The following RDX variants were observed in gnomAD, a reference collection of about 807,000 sequenced individuals.
RDX encodes deafness, autosomal recessive 24.
Under a neutral mutation model 83.7 loss-of-function variants are expected in RDX, and 32 were observed. The ratio of observed to expected loss-of-function variants is 0.38; its 90% CI spans 0.29 to 0.51. The LOEUF (loss-of-function observed/expected upper bound fraction) is 0.51. Ranked by LOEUF, RDX falls within the 20% of genes least tolerant of loss-of-function variation. The pLI is 0.87. For missense variants in RDX, 600 were observed against 689.9 expected (o/e 0.87, Z 1.46); for synonymous variants, 229 against 222.7 (o/e 1.03, Z -0.25).
intron 7 of RDX, 39 bp downstream of exon 7, chr11:110,257,728 T>C (rs113596622): frequency 2.1e-5 from 33 of 1,604,398 alleles, no homozygotes; most frequent in Non-Finnish European, 2.8e-5. Context: ...TTTAGACCAC[T>C]GAACAATGAC....
intron 10 of RDX, among the ~76,000 whole-genome samples, chr11:110,239,336 G>T (rs1400581918): frequency 6.6e-6 from 1 of 151,914 alleles, no homozygotes. Flanking sequence ...AGAGATAATG[G>T]GTGTTACATC....
Position 110,280,501 on chromosome 11 carries a change from T to C in RDX, c.-64-745A>G, listed in dbSNP as rs1317108659. On this transcript the variant is annotated intron_variant, in intron 1 of 13. Coordinates refer to ENST00000645495, the MANE Select transcript of RDX (RefSeq NM_002906.4). ...TGGCCTCAAGCAATCCTCCCAACTG[T>C]GCCTCCCAAAGTGCTAGGATTACAG... 2.0e-5 allele frequency among the ~76,000 whole-genome samples: 3 copies of C among 152,236 alleles called. No individual in the cohort carries two copies. In the East Asian group the frequency reaches 5.8e-4, roughly 29 times the overall value.
chr11:110,207,538 C>G (rs1863650399), intron 14 of RDX, among the ~76,000 whole-genome samples: 1 of 152,150 alleles, frequency 6.6e-6, no homozygotes, highest in Admixed American at 6.5e-5. Flanking sequence ...TTTTTAAAAA[C>G]CTTTAACTCA....
intron 9 of RDX, among the ~76,000 whole-genome samples, chr11:110,251,343 T>C (rs1233655209): frequency 1.3e-5 from 2 of 152,214 alleles, no homozygotes; most frequent in Non-Finnish European, 2.9e-5. Flanking sequence ...ATATCCAACT[T>C]AGTTTATAAT....
rs1019544317 is a variant in RDX at position 110,233,284 on chromosome 11, G to A, written c.1540C>T (p.Arg514Cys). 1.2e-5 allele frequency: 20 copies of A among 1,613,884 alleles called. No individual in the cohort carries two copies. Among genetic ancestry groups the A allele is most frequent in the Non-Finnish European group, 1.7e-5 (20 of 1,179,988 alleles). ...GVMNHRSEEE[R>C]VTETQKNERV... ...TCATTTTTCTGTGTTTCGGTTACACGTTCTTCCTCGCTTCTATGGTTCATT... is the reference window on the plus strand; with the variant it reads ...TCATTTTTCTGTGTTTCGGTTACACATTCTTCCTCGCTTCTATGGTTCATT... The change falls in exon 13 of 14, where the codon CGT (arginine) becomes TGT (cysteine). Residue 514 changes from arginine (R) to cysteine (C), a missense_variant. Arg to Cys is a radical substitution (Grantham distance 180). Transcript: ENST00000645495.
chr11:110,195,443 A>C (rs1453425039), intron 15 of RDX: 1 of 152,200 alleles, frequency 6.6e-6, no homozygotes, highest in Non-Finnish European at 1.5e-5. Flanking sequence ...TTCTCCAAAC[A>C]CTGGCCAGGT....
chr11:110,186,117 T>C (rs1591498379), intron 15 of RDX, among the ~76,000 whole-genome samples: 1 of 152,236 alleles, frequency 6.6e-6, no homozygotes, highest in South Asian at 2.1e-4. Context: ...AGGACTGACA[T>C]CTGATAGTTA....
chr11:110,264,833 C>T lies in RDX; in HGVS notation c.138G>A (p.Gly46=), dbSNP rs1215323081. The T allele has an allele frequency of 1.2e-6, 2 of 1,613,814 alleles. No homozygotes were observed. Among genetic ancestry groups the T allele is most frequent in the Non-Finnish European group, 1.7e-6 (2 of 1,179,930 alleles). Residue 46 remains glycine, a synonymous_variant, in exon 4 of 14, where the codon GGG becomes GGA. Transcript: ENST00000645495. ...TVGLREVWFF[G]LQYVDSKGYS... is the part of the protein sequence containing the mutation. ...AACCTTTGCTGTCTACATACTGCAG[C>T]CCAAAAAACCAGACCTCACGCAAAC...
At chr11:110,235,017 T>C (rs1403119588) in intron 12 of RDX, among the ~76,000 whole-genome samples, 4 of 152,172 alleles carry the variant, frequency 2.6e-5, no homozygotes, top group Non-Finnish European at 5.9e-5. Flanking sequence ...TGTGTGCTAC[T>C]TTAGACAACA....
intron 1 of RDX, among the ~76,000 whole-genome samples, chr11:110,290,346 T>G (rs1223795740): frequency 6.6e-6 from 1 of 151,954 alleles, no homozygotes; most frequent in East Asian, 1.9e-4. Flanking sequence ...TGAGACCCCG[T>G]GTCTACAAAA....
downstream of RDX, among the ~76,000 whole-genome samples, chr11:110,226,685 T>C (rs1404704941): frequency 6.6e-6 from 1 of 152,234 alleles, no homozygotes; most frequent in Non-Finnish European, 1.5e-5. Flanking sequence ...TTTAACTTTA[T>C]TAATCTTCTC....
At chr11:110,209,075 A>G (rs977481858) in intron 14 of RDX, among the ~76,000 whole-genome samples, 1 of 152,166 alleles carries the variant, frequency 6.6e-6, no homozygotes, top group Admixed American at 6.5e-5. Context: ...CATCTGAGGT[A>G]CCGGGTTCAT....
intron 10 of RDX, among the ~76,000 whole-genome samples, chr11:110,245,145 C>T (rs897882104): frequency 6.6e-6 from 1 of 151,962 alleles, no homozygotes; most frequent in African/African-American, 2.4e-5. Flanking sequence ...GAGATTTACA[C>T]TCCACCGTGT....
At chr11:110,218,439 T>C (rs1421319944) in intron 14 of RDX, among the ~76,000 whole-genome samples, 1 of 152,182 alleles carries the variant, frequency 6.6e-6, no homozygotes, top group Non-Finnish European at 1.5e-5. Context: ...CTCTCTTGCT[T>C]TGGCAGTACT....
intron 15 of RDX, among the ~76,000 whole-genome samples, chr11:110,184,010 C>G (rs1005340098): frequency 1.3e-5 from 2 of 152,196 alleles, no homozygotes; most frequent in Non-Finnish European, 2.9e-5. Flanking sequence ...CAGTGCCACA[C>G]ACACCCAAAT....
At chr11:110,290,055 A>C (rs1861171654) in intron 1 of RDX, among the ~76,000 whole-genome samples, 1 of 151,586 alleles carries the variant, frequency 6.6e-6, no homozygotes, top group Non-Finnish European at 1.5e-5. Context: ...TTATAAACAA[A>C]AATACCCACT....
intron 15 of RDX, among the ~76,000 whole-genome samples, chr11:110,188,992 AC>A (rs1863045036): frequency 1.3e-5 from 2 of 152,102 alleles, no homozygotes; most frequent in South Asian, 4.1e-4. Context: ...TCCAAACCTC[AC>A]ATATCAACGT....
chr11:110,269,501 T>C (rs1358947336), intron 3 of RDX, among the ~76,000 whole-genome samples: 2 of 152,196 alleles, frequency 1.3e-5, no homozygotes, highest in African/African-American at 4.8e-5. Context: ...GGGGCTTTAC[T>C]ACACATGTAC....
Position 110,236,626 on chromosome 11 carries a change from CT to C in RDX, c.1252-436del, listed in dbSNP as rs35386587. 7.2e-3 allele frequency: 1,096 copies of C among 152,756 alleles called. 1 individual carries two copies. The highest frequency in any genetic ancestry group is 0.024 in the South Asian group (133 of 5,552). The allele number at this position is 152,756 out of a possible 1,614,324, so 9.5% of individuals were successfully genotyped here. A position where few individuals can be genotyped will look rare whatever the true frequency, so the allele number is the denominator to read the frequency against. ...TCATTAACAGGTAGTATCATTCCTC[CT>C]TTTTTTTTTTTCAGACAGAGTCTCG... On this transcript the variant is annotated intron_variant, in intron 11 of 13. Transcript: ENST00000645495.
Sources: allele counts gnomAD v4.1 joint callset (sites outside exome capture counted in the v4.1 genomes callset), GRCh38; gene constraint gnomAD v4.1.1; transcripts MANE v1.5; gene names NCBI Gene and HGNC (gene_info 2026-07-23, HGNC 2026-07-21).